ZNF600: variants seen among roughly 807,000 people sequenced by gnomAD.
ZNF600 encodes the protein zinc finger protein KR-ZNF1.
In ZNF600, 4 loss-of-function variants were observed where a neutral mutation model predicts 7.3. That is an observed-to-expected ratio of 0.55 (90% CI 0.27 to 1.25). The LOEUF (loss-of-function observed/expected upper bound fraction) is 1.25. Among genes scored for constraint, ZNF600 ranks in the 50% most tolerant of loss-of-function variants. ZNF600 has a pLI of 0.12. For synonymous variants in ZNF600, 290 were observed against 308.9 expected, an observed-to-expected ratio of 0.94 and a Z score of 0.64; for missense variants, 911 against 922.1, an observed-to-expected ratio of 0.99 and a Z score of 0.16.
At chr19:52,779,008 TCCC>T (rs1568632541) in intron 1 of ZNF600, 101 bp from the exon 4 acceptor site, 1 of 1,062,896 alleles carries the variant, frequency 9.4e-7, no homozygotes, top group Admixed American at 2.6e-5. Context: ...CAGAAAGAAG[TCCC>T]CCACCGCCCA....
chr19:52,768,141 T>A (rs1287874146), intron 3 of ZNF600, among the ~76,000 whole-genome samples: 1 of 151,560 alleles, frequency 6.6e-6, no homozygotes, highest in African/African-American at 2.4e-5. Flanking sequence ...CCATATTTAC[T>A]GTGTACAAAT....
At chr19:52,800,890 T>C in the ZNF600 span, 11 of 1,596,122 alleles carry the variant, frequency 6.9e-6, no homozygotes, top group Admixed American at 1.9e-4. Flanking sequence ...GTATAAATTA[T>C]CTTATGTGTT....
chr19:52,809,851 G>A, the ZNF600 span: 2 of 587,186 alleles, frequency 3.4e-6, no homozygotes, highest in Non-Finnish European at 5.9e-6. Context: ...GGCGGTGGTG[G>A]CAGTAGCACT....
chr19:52,806,152 G>A, the ZNF600 span: 1 of 151,734 alleles, frequency 6.6e-6, no homozygotes, highest in South Asian at 2.1e-4. Flanking sequence ...ATAAAAAAAT[G>A]TTCTAGTGGA....
chr19:52,765,763 G>A (rs749247780), exon 4 of ZNF600: 3 of 1,613,748 alleles, frequency 1.9e-6, no homozygotes, highest in African/African-American at 2.7e-5. Flanking sequence ...CATTTGTATG[G>A]TTTCTTTCCA....
chr19:52,779,112 G>A (rs1323365964), intron 1 of ZNF600, among the ~76,000 whole-genome samples: 2 of 152,130 alleles, frequency 1.3e-5, no homozygotes, highest in Non-Finnish European at 1.5e-5. Flanking sequence ...CTCCCCTCCT[G>A]GAGAAGCCCC....
At chr19:52,780,421 G>A (rs566612833) in intron 1 of ZNF600, among the ~76,000 whole-genome samples, 160 bp downstream of exon 3, 3 of 151,920 alleles carry the variant, frequency 2.0e-5, no homozygotes, top group East Asian at 1.9e-4. Context: ...GCTCAAGTGA[G>A]GGCCCTGAGA....
At chr19:52,795,809 G>A in the ZNF600 span, among the ~76,000 whole-genome samples, 4 of 150,946 alleles carry the variant, frequency 2.6e-5, no homozygotes, top group East Asian at 2.0e-4. Flanking sequence ...CTGGTGATCC[G>A]CCTGTTGTGG....
chr19:52,819,573 T>C, the ZNF600 span, among the ~76,000 whole-genome samples: 47 of 55,578 alleles, frequency 8.5e-4, 2 homozygotes, highest in African/African-American at 2.5e-3. Flanking sequence ...ATCTCCAAGT[T>C]GCAGGGGAGG....
In ZNF600 at chr19:52,765,955, T is replaced by C. The variant is rs1396100235; in HGVS notation, c.2008A>G (p.Thr670Ala). Residue 670 changes from threonine (T) to alanine (A), a missense_variant, in exon 4 of 4, where the codon ACC (threonine) becomes GCC (alanine). By Grantham distance (58) the Thr-to-Ala change is moderately conservative (BLOSUM62 0). Transcript: ENST00000648973. ...GGTTTCTCTGCAGTGTGAATTCTGG[T>C]ATGTCTTGCCAGGTATGAATTACGC... The C allele has an allele frequency of 1.2e-6, 2 of 1,614,070 alleles. No homozygotes were observed. Among genetic ancestry groups the C allele is most frequent in the Admixed American group, 1.7e-5 (1 of 60,000 alleles).
At chr19:52,777,171 G>T (rs564442273) in intron 2 of ZNF600, among the ~76,000 whole-genome samples, 46 of 152,044 alleles carry the variant, frequency 3.0e-4, no homozygotes, top group East Asian at 5.8e-4. Context: ...ACAAGGTCAG[G>T]AGTTCGACCA....
At chr19:52,804,753 C>A in the ZNF600 span, among the ~76,000 whole-genome samples, 1 of 152,160 alleles carries the variant, frequency 6.6e-6, no homozygotes, top group African/African-American at 2.4e-5. Flanking sequence ...GATCTACCCA[C>A]CTTGGTCTCT....
At chr19:52,810,782 A>G in the ZNF600 span, 2 of 370,152 alleles carry the variant, frequency 5.4e-6, 1 homozygote, top group East Asian at 7.0e-5. Flanking sequence ...AAAAAACCCA[A>G]AAAAAACAGA....
the ZNF600 span, among the ~76,000 whole-genome samples, chr19:52,793,320 A>G: frequency 6.3e-3 from 953 of 152,268 alleles, 16 homozygotes; most frequent in African/African-American, 0.022. Context: ...ACCTTCACAA[A>G]ATACACTTTC....
At chr19:52,765,099 A>G in exon 4 of ZNF600, 1 of 372,128 alleles carries the variant, frequency 2.7e-6, no homozygotes, top group South Asian at 2.2e-5. Context: ...AAGTCAACAC[A>G]AACTCAAGTC....
chr19:52,823,068 T>G, the ZNF600 span, among the ~76,000 whole-genome samples: 1 of 152,160 alleles, frequency 6.6e-6, no homozygotes, highest in Non-Finnish European at 1.5e-5. Flanking sequence ...TGGTTATGGA[T>G]TGATACACTT....
the ZNF600 span, among the ~76,000 whole-genome samples, chr19:52,815,425 G>A: frequency 6.9e-5 from 10 of 145,612 alleles, 1 homozygote; most frequent in African/African-American, 2.7e-4. Flanking sequence ...TCTGAAGCAG[G>A]AGACACACTT....
intron 1 of ZNF600, among the ~76,000 whole-genome samples, chr19:52,782,115 C>A (rs1281944113): frequency 6.6e-6 from 1 of 152,174 alleles, no homozygotes; most frequent in Non-Finnish European, 1.5e-5. Flanking sequence ...GTGGTCCCAG[C>A]TACTCCGGAG....
At chr19:52,805,942 C>T in the ZNF600 span, 6 of 151,938 alleles carry the variant, frequency 3.9e-5, no homozygotes, top group Admixed American at 6.6e-5. Context: ...ATCGCAGCAT[C>T]GTACTTCAGC....
Sources: gnomAD v4.1 joint callset for allele counts (sites outside exome capture counted in the v4.1 genomes callset) on GRCh38, gnomAD v4.1.1 for gene constraint, MANE v1.5 for transcripts, NCBI Gene and HGNC (gene_info 2026-07-23, HGNC 2026-07-21) for gene names.